The following PARN variants were observed in gnomAD, a reference collection of about 807,000 sequenced individuals.
PARN encodes the protein poly(A)-specific ribonuclease.
PARN carries 71 observed loss-of-function variants against 102.8 expected under a neutral mutation model. The observed-to-expected ratio is 0.69, with a 90% CI of 0.57 to 0.84. The LOEUF is 0.84. PARN is among the 40% of genes least tolerant of loss of function. The probability of loss-of-function intolerance (pLI) is 0.00; values close to 1 mark genes in which losing one functional copy is unlikely to be tolerated. For synonymous variants in PARN, 261 were observed against 252.9 expected (o/e 1.03, Z -0.30); for missense variants, 782 against 760.9 (o/e 1.03, Z -0.33).
chr16:14,544,066 C>T (rs1329176292), intron 21 of PARN, among the ~76,000 whole-genome samples: 1 of 152,150 alleles, frequency 6.6e-6, no homozygotes, highest in East Asian at 1.9e-4. Flanking sequence ...GGGGTGCATG[C>T]CTGTAATCCC....
rs371965701 is a variant in PARN at position 14,582,131 on chromosome 16, G to A, written c.1192+50C>T. On this transcript the variant is annotated intron_variant, in intron 17 of 23. Coordinates refer to ENST00000437198, the MANE Select transcript of PARN (RefSeq NM_002582.4). ...GCAGCCTAAGCCAGGAGACAGGTAA[G>A]ATCCACCCTAGATCACTGCGTGTTT... is the stretch of plus-strand genomic sequence containing the variant. 22 of 1,132,472 alleles carry A rather than the reference G, an allele frequency of 1.9e-5. No individual in the cohort carries two copies. The African/African-American group carries it at 3.0e-4, about 16-fold the overall frequency. The allele number at this position is 1,132,472 out of a possible 1,614,324, so 70.2% of individuals were successfully genotyped here. A position where few individuals can be genotyped will look rare whatever the true frequency, so the allele number is the denominator to read the frequency against.
Position 14,455,593 on chromosome 16 carries a change from C to T in PARN, c.1671-8512G>A, listed in dbSNP as rs966705619. ...ACACAGGAATCACGCTTCAAAGCTA[C>T]CAACTTAAGGGCTGCTGCCAAAACT... is the stretch of plus-strand genomic sequence containing the variant. On this transcript the variant is annotated intron_variant, in intron 22 of 23. Coordinates refer to ENST00000437198, the MANE Select transcript of PARN (RefSeq NM_002582.4). Among the ~76,000 whole-genome samples the T allele has an allele frequency of 2.0e-5, 3 of 152,298 alleles. No homozygotes were observed. The East Asian group carries it at 5.8e-4, about 29-fold the overall frequency.
At chr16:14,459,825 G>A (rs1227097453) in intron 22 of PARN, among the ~76,000 whole-genome samples, 1 of 152,158 alleles carries the variant, frequency 6.6e-6, no homozygotes, top group Non-Finnish European at 1.5e-5. Flanking sequence ...GAATAGAATA[G>A]TGTCCAGAAA....
At chr16:14,583,306 G>C (rs1969642103) in intron 16 of PARN, among the ~76,000 whole-genome samples, 1 of 152,118 alleles carries the variant, frequency 6.6e-6, no homozygotes, top group Non-Finnish European at 1.5e-5. Flanking sequence ...TGTCAGGAAG[G>C]TTACTATAAC....
chr16:14,629,890 G>A (rs957169804), intron 1 of PARN, among the ~76,000 whole-genome samples: 1 of 152,210 alleles, frequency 6.6e-6, no homozygotes, highest in African/African-American at 2.4e-5. Flanking sequence ...ACAAGGCCCC[G>A]GATGGTGCCG....
At chr16:14,604,868 G>A (rs944077840) in intron 10 of PARN, among the ~76,000 whole-genome samples, 3 of 148,720 alleles carry the variant, frequency 2.0e-5, no homozygotes, top group Admixed American at 1.3e-4. Flanking sequence ...TGCCCACCTT[G>A]GCATCCCAAA....
At chr16:14,621,312 C>A (rs1043495632) in intron 5 of PARN, among the ~76,000 whole-genome samples, 2 of 152,170 alleles carry the variant, frequency 1.3e-5, no homozygotes, top group African/African-American at 2.4e-5. Context: ...GTACTAGACA[C>A]CAAAACATCC....
At chr16:14,600,264 T>C (rs757106664) in intron 11 of PARN, among the ~76,000 whole-genome samples, 14 of 152,352 alleles carry the variant, frequency 9.2e-5, no homozygotes, top group Non-Finnish European at 1.5e-4. Context: ...TTTCAAGGTG[T>C]CTTAAAAACA....
intron 21 of PARN, among the ~76,000 whole-genome samples, chr16:14,526,094 A>C (rs58044540): frequency 1.5e-4 from 23 of 152,088 alleles, no homozygotes; most frequent in African/African-American, 5.5e-4. Flanking sequence ...CTGGGATTAC[A>C]GGCATGAGCC....
At chr16:14,515,669 C>T (rs528215197) in intron 21 of PARN, among the ~76,000 whole-genome samples, 10 of 152,208 alleles carry the variant, frequency 6.6e-5, no homozygotes, top group African/African-American at 2.4e-4. Flanking sequence ...GGCATGGTGG[C>T]TTGTACCCAT....
chr16:14,525,379 C>T (rs555192762), intron 21 of PARN, among the ~76,000 whole-genome samples: 9 of 152,284 alleles, frequency 5.9e-5, no homozygotes, highest in Admixed American at 3.3e-4. Flanking sequence ...CTCAATGCAG[C>T]GGTCACAGAA....
chr16:14,527,946 T>C (rs1156853638), intron 21 of PARN, among the ~76,000 whole-genome samples: 1 of 152,190 alleles, frequency 6.6e-6, no homozygotes, highest in Non-Finnish European at 1.5e-5. Context: ...TGGAAGCACA[T>C]GTTGGGCAAT....
chr16:14,609,364 G>A (rs1415587541), intron 7 of PARN, among the ~76,000 whole-genome samples: 8 of 151,840 alleles, frequency 5.3e-5, no homozygotes, highest in Admixed American at 1.3e-4. Flanking sequence ...CCAGGAGTTC[G>A]CGACCAGCCT....
At chr16:14,547,766 G>GA (rs1011433446) in intron 21 of PARN, among the ~76,000 whole-genome samples, 23 of 145,392 alleles carry the variant, frequency 1.6e-4, no homozygotes, top group African/African-American at 2.5e-4. Flanking sequence ...AATACTCAAA[G>GA]AAAAAAAAAA....
At chr16:14,525,776 A>C (rs1233250127) in intron 21 of PARN, among the ~76,000 whole-genome samples, 2 of 152,230 alleles carry the variant, frequency 1.3e-5, no homozygotes, top group African/African-American at 4.8e-5. Flanking sequence ...GGTGAAAAGA[A>C]AGATTGCCTA....
chr16:14,438,025 T>A (rs1410550698), intron 23 of PARN, among the ~76,000 whole-genome samples: 1 of 152,084 alleles, frequency 6.6e-6, no homozygotes, highest in African/African-American at 2.4e-5. Flanking sequence ...CTGCCCTGGG[T>A]CTCATCGCTC....
At chr16:14,615,193 G>A (rs1301683928) in intron 6 of PARN, among the ~76,000 whole-genome samples, 1 of 152,024 alleles carries the variant, frequency 6.6e-6, no homozygotes, top group African/African-American at 2.4e-5. Context: ...AGGCTTGGTA[G>A]TATGGATGAC....
intron 21 of PARN, among the ~76,000 whole-genome samples, chr16:14,506,362 G>T (rs1413891115): frequency 6.6e-6 from 1 of 151,924 alleles, no homozygotes; most frequent in Non-Finnish European, 1.5e-5. Context: ...AAACTGTAAG[G>T]GACATTATTA....
intron 21 of PARN, among the ~76,000 whole-genome samples, chr16:14,489,015 G>A (rs1013045327): frequency 2.0e-5 from 3 of 152,080 alleles, no homozygotes; most frequent in South Asian, 2.1e-4. Flanking sequence ...CTACAGCTAC[G>A]CAGAATAAAA....
Sources: allele counts gnomAD v4.1 joint callset (sites outside exome capture counted in the v4.1 genomes callset), GRCh38; gene constraint gnomAD v4.1.1; transcripts MANE v1.5; gene names NCBI Gene and HGNC (gene_info 2026-07-23, HGNC 2026-07-21).